Variants in GRIK3 observed in about 807,000 individuals in gnomAD.
The protein encoded by GRIK3 is glutamate ionotropic receptor kainate type subunit 3.
In GRIK3, 29 loss-of-function variants were observed where a neutral mutation model predicts 102.5. The observed-to-expected ratio is 0.28, with a 90% CI of 0.21 to 0.39. The LOEUF is 0.39. Ranked by LOEUF, GRIK3 falls within the 10% of genes least tolerant of loss-of-function variation. The pLI is 1.00. For missense variants in GRIK3, 908 were observed against 1,252.4 expected (o/e 0.73, Z 4.15); for synonymous variants, 511 against 504.9 (o/e 1.01, Z -0.16).
rs550820505 is a variant in GRIK3 at position 36,829,539 on chromosome 1, C to T, written c.1531-3713G>A. Among the ~76,000 whole-genome samples the T allele has an allele frequency of 8.5e-5, 13 of 152,124 alleles. No homozygotes were observed. In the South Asian group the frequency reaches 2.3e-3, roughly 27 times the overall value. Reference sequence around the variant, plus strand: ...TTGTGCAACACTTTCATTGGTCTAACGAGTGTTTTGTCAGCCCTCCTGCCT... The same window carrying T: ...TTGTGCAACACTTTCATTGGTCTAATGAGTGTTTTGTCAGCCCTCCTGCCT... On this transcript the variant is annotated intron_variant, in intron 10 of 15. Transcript: ENST00000373091.
intron 1 of GRIK3, among the ~76,000 whole-genome samples, chr1:37,000,189 G>C (rs1642460965): frequency 6.6e-6 from 1 of 152,192 alleles, no homozygotes; most frequent in South Asian, 2.1e-4. Flanking sequence ...GTTGTTGAAT[G>C]GATGACCTTC....
At chr1:37,033,787 C>T (rs1353061632) in intron 1 of GRIK3, among the ~76,000 whole-genome samples, 3 of 152,210 alleles carry the variant, frequency 2.0e-5, no homozygotes, top group Non-Finnish European at 4.4e-5. Flanking sequence ...TCGCCCACTG[C>T]GGCCCGGCGG....
chr1:36,834,510 C>T (rs1267783524), intron 10 of GRIK3, among the ~76,000 whole-genome samples: 2 of 152,126 alleles, frequency 1.3e-5, no homozygotes, highest in Admixed American at 6.5e-5. Flanking sequence ...TAAGTATCAA[C>T]CAGTGGGTCA....
intron 1 of GRIK3, among the ~76,000 whole-genome samples, chr1:36,991,610 G>T (rs1642364080): frequency 6.6e-6 from 1 of 152,226 alleles, no homozygotes; most frequent in Non-Finnish European, 1.5e-5. Context: ...GCCAGGGAGA[G>T]ACTGGAACGC....
intron 1 of GRIK3, among the ~76,000 whole-genome samples, chr1:37,000,531 A>T (rs1305262220): frequency 6.6e-6 from 1 of 152,250 alleles, no homozygotes; most frequent in East Asian, 1.9e-4. Context: ...AACTTGCCCA[A>T]GGTCACACAG....
intron 1 of GRIK3, among the ~76,000 whole-genome samples, chr1:36,924,239 G>A (rs923699895): frequency 6.6e-6 from 1 of 152,184 alleles, no homozygotes; most frequent in Non-Finnish European, 1.5e-5. Context: ...AAATTAACCA[G>A]GTAATCGCAT....
intron 7 of GRIK3, 113 bp downstream of exon 7, chr1:36,858,995 C>T: frequency 1.0e-6 from 1 of 973,676 alleles, no homozygotes; most frequent in Non-Finnish European, 1.5e-6. Flanking sequence ...AGGCAACTTG[C>T]CTGAGGTCAC....
chr1:36,801,539 A>C lies in GRIK3; in HGVS notation c.*312T>G. 1 of 266,016 alleles carries C rather than the reference A, an allele frequency of 3.8e-6. No homozygotes were observed. Among genetic ancestry groups the C allele is most frequent in the Non-Finnish European group, 7.1e-6 (1 of 140,776 alleles). 16.5% of individuals were successfully genotyped at this position (266,016 alleles called of 1,614,324 possible). A position where few individuals can be genotyped will look rare whatever the true frequency, so the allele number is the denominator to read the frequency against. On this transcript the variant is annotated 3_prime_UTR_variant, in exon 16 of 16. Transcript: ENST00000373091. The stretch of plus-strand genomic sequence containing the variant: ...TGTGCCCTCTGCAGGGCTGCGGCAG[A>C]AACTTCTGACTCTGGAGGAGAGTTG...
At chr1:36,892,638 T>TTAA (rs1460744946) in intron 1 of GRIK3, among the ~76,000 whole-genome samples, 32 of 152,216 alleles carry the variant, frequency 2.1e-4, no homozygotes, top group Non-Finnish European at 4.6e-4. Flanking sequence ...ATTTTTCAGT[T>TTAA]TAATTCCAAT....
intron 10 of GRIK3, 69 bp from the exon 11 acceptor site, chr1:36,825,895 A>G (rs956362982): frequency 3.4e-5 from 38 of 1,115,922 alleles, no homozygotes; most frequent in Non-Finnish European, 4.8e-5. Context: ...ACAGAACACC[A>G]TTGCTGGAGG....
intron 1 of GRIK3, among the ~76,000 whole-genome samples, chr1:37,014,834 C>CTCTTTGCTTTTCTTTTCTTT (rs1642635883): frequency 6.8e-6 from 1 of 147,454 alleles, no homozygotes; most frequent in Non-Finnish European, 1.5e-5. Context: ...GCCATTTAGC[C>CTCTTTGCTTTTCTTTTCTTT]TCTTTTCTTA....
chr1:36,984,772 C>T (rs1364064277), intron 1 of GRIK3, among the ~76,000 whole-genome samples: 2 of 152,234 alleles, frequency 1.3e-5, no homozygotes. Flanking sequence ...ATCATCTGAC[C>T]ACGTGGGCTG....
intron 1 of GRIK3, among the ~76,000 whole-genome samples, chr1:36,998,175 C>T (rs1000096035): frequency 1.3e-5 from 2 of 152,202 alleles, no homozygotes; most frequent in African/African-American, 2.4e-5. Context: ...ACCAGCAAAA[C>T]AGGTAGACAT....
intron 1 of GRIK3, among the ~76,000 whole-genome samples, chr1:37,005,357 C>T (rs1642520368): frequency 6.6e-6 from 1 of 152,228 alleles, no homozygotes; most frequent in African/African-American, 2.4e-5. Context: ...TGTTTCCCAT[C>T]ACATCCACTG....
chr1:37,030,245 C>T (rs1038898669), intron 1 of GRIK3, among the ~76,000 whole-genome samples: 4 of 152,150 alleles, frequency 2.6e-5, no homozygotes, highest in African/African-American at 7.2e-5. Context: ...TACAAGGCAG[C>T]GATGTTTCAG....
intron 15 of GRIK3, among the ~76,000 whole-genome samples, chr1:36,803,769 T>C (rs1642468490): frequency 6.6e-6 from 1 of 152,200 alleles, no homozygotes; most frequent in Admixed American, 6.5e-5. Flanking sequence ...TCAGAGAATT[T>C]GATTGTTGTT....
chr1:36,838,079 C>G (rs1042247463), intron 10 of GRIK3, among the ~76,000 whole-genome samples: 2 of 152,200 alleles, frequency 1.3e-5, no homozygotes, highest in African/African-American at 4.8e-5. Flanking sequence ...GAGGCTGTCC[C>G]TGGAAGGAAC....
At chr1:36,959,615 C>T (rs1489007310) in intron 1 of GRIK3, among the ~76,000 whole-genome samples, 9 of 131,130 alleles carry the variant, frequency 6.9e-5, no homozygotes, top group African/African-American at 2.4e-4. Flanking sequence ...GCCTGTGTGC[C>T]CCGTAACTCT....
chr1:37,012,755 G>C (rs2124059021), intron 1 of GRIK3, among the ~76,000 whole-genome samples: 1 of 152,292 alleles, frequency 6.6e-6, no homozygotes, highest in Non-Finnish European at 1.5e-5. Flanking sequence ...GCTTTTACTA[G>C]TTTGACCTGG....
Sources: allele counts gnomAD v4.1 joint callset (sites outside exome capture counted in the v4.1 genomes callset), GRCh38; gene constraint gnomAD v4.1.1; transcripts MANE v1.5; gene names NCBI Gene and HGNC (gene_info 2026-07-23, HGNC 2026-07-21).